RUNX1: variants seen among roughly 807,000 people sequenced by gnomAD.
RUNX1 encodes RUNX family transcription factor 1.
Under a neutral mutation model 42.8 loss-of-function variants are expected in RUNX1, and 19 were observed. The observed-to-expected ratio is 0.44, with a 90% confidence interval of 0.31 to 0.65. The LOEUF (loss-of-function observed/expected upper bound fraction) is 0.65. RUNX1 is among the 30% of genes least tolerant of loss of function. The pLI is 0.07. For missense variants in RUNX1, 528 were observed against 672.0 expected (o/e 0.79, Z 2.37); for synonymous variants, 271 against 289.4 (o/e 0.94, Z 0.64).
At chr21:34,840,664 CA>C (rs2057220989) in intron 6 of RUNX1, among the ~76,000 whole-genome samples, 1 of 152,186 alleles carries the variant, frequency 6.6e-6, no homozygotes. Context: ...AGGTTGGTCT[CA>C]GAGCTCTGTC....
chr21:34,998,752 A>T (rs994846808), intron 2 of RUNX1, among the ~76,000 whole-genome samples: 4 of 152,278 alleles, frequency 2.6e-5, no homozygotes, highest in Non-Finnish European at 4.4e-5. Context: ...CGAGTTAGCC[A>T]GGATGGTCTC....
chr21:34,804,972 C>T (rs1469123623), intron 7 of RUNX1, among the ~76,000 whole-genome samples: 2 of 151,922 alleles, frequency 1.3e-5, no homozygotes, highest in African/African-American at 4.8e-5. Context: ...AGGTTGGTCT[C>T]GAACTCCTGA....
chr21:34,838,274 G>A (rs1057353134), intron 6 of RUNX1, among the ~76,000 whole-genome samples: 1 of 152,128 alleles, frequency 6.6e-6, no homozygotes, highest in South Asian at 2.1e-4. Context: ...AACCAGATAA[G>A]GTTAAATTGC....
intron 2 of RUNX1, among the ~76,000 whole-genome samples, chr21:35,004,363 GA>G (rs1297437519): frequency 6.6e-6 from 1 of 152,202 alleles, no homozygotes; most frequent in Non-Finnish European, 1.5e-5. Flanking sequence ...ACTTTTGTAT[GA>G]ATTAACAAGA....
chr21:34,885,610 A>G (rs2057972067), intron 4 of RUNX1, among the ~76,000 whole-genome samples: 1 of 152,250 alleles, frequency 6.6e-6, no homozygotes, highest in Non-Finnish European at 1.5e-5. Context: ...GAAACTGTAT[A>G]AAGCTTAAAA....
At chr21:34,862,397 G>A (rs1182779108) in intron 5 of RUNX1, among the ~76,000 whole-genome samples, 1 of 152,162 alleles carries the variant, frequency 6.6e-6, no homozygotes, top group Non-Finnish European at 1.5e-5. Context: ...TAAAAATACT[G>A]TATTTGTTTC....
intron 2 of RUNX1, among the ~76,000 whole-genome samples, chr21:35,024,650 G>A (rs1329882164): frequency 6.6e-6 from 1 of 152,228 alleles, no homozygotes. Context: ...ACTACAGTAT[G>A]ACAGCACCAG....
At chr21:34,940,540 T>C (rs1222982664) in intron 2 of RUNX1, among the ~76,000 whole-genome samples, 1 of 152,250 alleles carries the variant, frequency 6.6e-6, no homozygotes, top group Non-Finnish European at 1.5e-5. Context: ...CATATATACA[T>C]ATACATTCTC....
chr21:34,923,672 G>A (rs994144782), intron 2 of RUNX1, among the ~76,000 whole-genome samples: 1 of 152,070 alleles, frequency 6.6e-6, no homozygotes, highest in Non-Finnish European at 1.5e-5. Flanking sequence ...TCCCATTTCA[G>A]TGAACAGCAA....
intron 3 of RUNX1, among the ~76,000 whole-genome samples, chr21:34,889,503 T>A (rs891841011): frequency 4.6e-5 from 7 of 152,032 alleles, no homozygotes; most frequent in African/African-American, 1.7e-4. Context: ...AACGCGCGGC[T>A]GGAAGGAAAG....
At chr21:34,829,162 T>C (rs949339104) in intron 7 of RUNX1, among the ~76,000 whole-genome samples, 6 of 152,356 alleles carry the variant, frequency 3.9e-5, no homozygotes, top group African/African-American at 1.4e-4. Context: ...CATTCTTTCT[T>C]AGCCACTATG....
intron 2 of RUNX1, among the ~76,000 whole-genome samples, chr21:34,894,297 G>A (rs1047653034): frequency 1.2e-4 from 18 of 152,226 alleles, no homozygotes; most frequent in Non-Finnish European, 1.3e-4. Context: ...GAGTAGGAGA[G>A]CAAGAAAACA....
At chr21:34,959,628 G>A (rs1489044791) in intron 2 of RUNX1, among the ~76,000 whole-genome samples, 2 of 152,188 alleles carry the variant, frequency 1.3e-5, no homozygotes, top group African/African-American at 4.8e-5. Context: ...CAAATATTTA[G>A]AAAAAGTTAA....
chr21:35,047,553 A>ACTCTCTCTCTCT (rs1263740642), intron 2 of RUNX1, among the ~76,000 whole-genome samples: 1 of 90,010 alleles, frequency 1.1e-5, no homozygotes. Context: ...ACACACACAC[A>ACTCTCTCTCTCT]CACACACACT....
rs369916959 is a variant in RUNX1 at position 34,864,905 on chromosome 21, T to A, written c.509-5327A>T. 1.2e-4 allele frequency among the ~76,000 whole-genome samples: 18 copies of A among 152,226 alleles called. No homozygotes were observed. In the East Asian group the frequency reaches 3.3e-3, roughly 28 times the overall value. ...GAGAAGAATTCCATATAAAATCCCA[T>A]GAAGGTGGAAACACAGTGGTGATTC... On this transcript the variant is annotated intron_variant, in intron 5 of 8. Coordinates refer to ENST00000675419, the MANE Select transcript of RUNX1 (RefSeq NM_001754.5).
intron 7 of RUNX1, chr21:34,821,300 A>G: frequency 9.0e-7 from 1 of 1,108,658 alleles, no homozygotes; most frequent in East Asian, 4.4e-5. Flanking sequence ...AATAACATTG[A>G]CCATTTATTA....
chr21:35,007,170 T>C (rs1433146653), intron 2 of RUNX1, among the ~76,000 whole-genome samples: 1 of 152,242 alleles, frequency 6.6e-6, no homozygotes, highest in East Asian at 1.9e-4. Flanking sequence ...CATTTGGCTA[T>C]AGTGGGTTAA....
chr21:34,887,286 C>G (rs1246822224), intron 3 of RUNX1, 190 bp from the exon 4 acceptor site: 2 of 1,461,980 alleles, frequency 1.4e-6, no homozygotes, highest in African/African-American at 2.8e-5. Context: ...GACTAAGTTA[C>G]TAACAGTCCA....
chr21:34,975,591 C>A (rs941589599), intron 2 of RUNX1, among the ~76,000 whole-genome samples: 1 of 152,126 alleles, frequency 6.6e-6, no homozygotes, highest in East Asian at 1.9e-4. Context: ...CCCATGGATA[C>A]TGGGGGGTGA....
Sources: allele counts gnomAD v4.1 joint callset (sites outside exome capture counted in the v4.1 genomes callset), GRCh38; gene constraint gnomAD v4.1.1; transcripts MANE v1.5; gene names NCBI Gene and HGNC (gene_info 2026-07-23, HGNC 2026-07-21).